The following ATG13 variants were observed in gnomAD, a reference collection of about 807,000 sequenced individuals.
ATG13 encodes the protein autophagy related 13, also known as autophagy-related protein 13.
Under a neutral mutation model 65.5 loss-of-function variants are expected in ATG13, and 23 were observed. The observed-to-expected ratio is 0.35, with a 90% CI of 0.25 to 0.50. ATG13 has a LOEUF of 0.50. Among genes scored for constraint, ATG13 ranks in the 20% least tolerant of loss-of-function variants. The pLI is 0.98. For missense variants in ATG13, 566 were observed against 677.0 expected (o/e 0.84, Z 1.82); for synonymous variants, 252 against 245.2 (o/e 1.03, Z -0.26).
At chr11:46,633,024 ATAT>A (rs1189486358) in intron 2 of ATG13, among the ~76,000 whole-genome samples, 1 of 99,866 alleles carries the variant, frequency 1.0e-5, no homozygotes, top group African/African-American at 6.3e-5. Flanking sequence ...ATATATATAT[ATAT>A]TTTTTTTTTT....
intron 18 of ATG13, among the ~76,000 whole-genome samples, chr11:46,671,928 T>C (rs142487242): frequency 3.9e-5 from 6 of 152,370 alleles, no homozygotes; most frequent in Non-Finnish European, 7.3e-5. Context: ...TGGTATTTTA[T>C]TCTAGTGTCA....
intron 2 of ATG13, among the ~76,000 whole-genome samples, chr11:46,633,590 G>T (rs995968067): frequency 6.6e-6 from 1 of 151,714 alleles, no homozygotes; most frequent in Admixed American, 6.6e-5. Context: ...TAGGTGATCC[G>T]CCTGCCTCTG....
chr11:46,653,588 G>C (rs918066371), intron 7 of ATG13, among the ~76,000 whole-genome samples: 14 of 113,588 alleles, frequency 1.2e-4, no homozygotes, highest in Non-Finnish European at 2.2e-4. Context: ...TTTGTTTTTT[G>C]AGACGGAGTC....
At chr11:46,660,740 A>C (rs2061012899) in intron 11 of ATG13, among the ~76,000 whole-genome samples, 4 of 140,210 alleles carry the variant, frequency 2.9e-5, no homozygotes, top group Non-Finnish European at 3.1e-5. Flanking sequence ...ACAGGGTCTC[A>C]CTCTGTTACT....
At chr11:46,662,651 T>C (rs939255011) in intron 11 of ATG13, among the ~76,000 whole-genome samples, 1 of 152,224 alleles carries the variant, frequency 6.6e-6, no homozygotes, top group Non-Finnish European at 1.5e-5. Context: ...GGTACAAAAA[T>C]ACTCAATTTT....
intron 1 of ATG13, among the ~76,000 whole-genome samples, chr11:46,626,376 G>A (rs1233080395): frequency 2.0e-5 from 3 of 151,926 alleles, no homozygotes; most frequent in African/African-American, 4.8e-5. Context: ...TCATCCTCCC[G>A]AGTTGCTGAG....
In ATG13 at chr11:46,665,449, G is replaced by A. The variant is rs745943231; in HGVS notation, c.1066G>A (p.Ala356Thr). The A allele has an allele frequency of 6.2e-7, 1 of 1,614,206 alleles. No individual in the cohort carries two copies. The highest frequency in any genetic ancestry group is 1.1e-5 in the South Asian group (1 of 91,090). Residue 356 changes from alanine to threonine, a missense_variant, in exon 14 of 19, where the codon GCT becomes ACT. Transcript: ENST00000683050. ...APNQPVHGTQADQERLATCTP... is the reference protein window; with the variant it reads ...APNQPVHGTQTDQERLATCTP... Reference sequence around the variant, plus strand: ...CAACCAGCCTGTCCATGGTACCCAGGCTGACCAGGAGAGACTGGCAACCTG... The same window carrying A: ...CAACCAGCCTGTCCATGGTACCCAGACTGACCAGGAGAGACTGGCAACCTG...
intron 2 of ATG13, among the ~76,000 whole-genome samples, chr11:46,636,272 G>A (rs1377462738): frequency 6.6e-6 from 1 of 151,808 alleles, no homozygotes; most frequent in Non-Finnish European, 1.5e-5. Context: ...CCCTATCCTG[G>A]GAGGGCCAGG....
In ATG13 at chr11:46,625,269, C is replaced by CTTTTTT. The variant is rs59095357; in HGVS notation, c.-69-4757_-69-4752dup. 595 of 84,106 alleles carry CTTTTTT rather than the reference C, an allele frequency of 7.1e-3. 1 individual carries two copies. Among genetic ancestry groups the CTTTTTT allele is most frequent in the Non-Finnish European group, 8.9e-3 (397 of 44,622 alleles). The allele number at this position is 84,106 out of a possible 1,614,324, so 5.2% of individuals were successfully genotyped here. A position where few individuals can be genotyped will look rare whatever the true frequency, so the allele number is the denominator to read the frequency against. On this transcript the variant is annotated intron_variant, in intron 1 of 18. Transcript: ENST00000683050. ...GTACTTTTGCTATAGCTTGCTCTTT[C>CTTTTTT]TTTTTTTTTTTTTTTTTTTTTTTTG...
intron 5 of ATG13, among the ~76,000 whole-genome samples, chr11:46,647,309 A>T (rs1457307681): frequency 7.6e-6 from 1 of 131,618 alleles, no homozygotes. Flanking sequence ...TTTTTTTGAG[A>T]CAGAGTCGCG....
intron 2 of ATG13, among the ~76,000 whole-genome samples, chr11:46,641,643 T>C (rs1232610667): frequency 6.6e-6 from 1 of 152,216 alleles, no homozygotes; most frequent in African/African-American, 2.4e-5. Flanking sequence ...TTCTAGAATA[T>C]TGGATATGTT....
intron 7 of ATG13, among the ~76,000 whole-genome samples, chr11:46,655,463 C>T (rs1486032027): frequency 6.6e-6 from 1 of 151,696 alleles, no homozygotes; most frequent in Non-Finnish European, 1.5e-5. Flanking sequence ...ATCCCAGCTA[C>T]TTGGGAGGCT....
At chr11:46,644,692 G>C (rs1216041787) in intron 3 of ATG13, among the ~76,000 whole-genome samples, 10 of 151,968 alleles carry the variant, frequency 6.6e-5, no homozygotes, top group Admixed American at 6.6e-4. Flanking sequence ...CAGCTGGAAT[G>C]GGCAGCATTT....
At chr11:46,648,498 G>A (rs2136377389) in intron 5 of ATG13, among the ~76,000 whole-genome samples, 1 of 152,086 alleles carries the variant, frequency 6.6e-6, no homozygotes, top group East Asian at 1.9e-4. Flanking sequence ...AACAACCTTG[G>A]CCGGGCGCAG....
At chr11:46,649,606 T>C (rs2058488206) in intron 6 of ATG13, among the ~76,000 whole-genome samples, 1 of 152,224 alleles carries the variant, frequency 6.6e-6, no homozygotes, top group Admixed American at 6.5e-5. Flanking sequence ...ATGCATGTTA[T>C]TTCCTTTCCC....
intron 1 of ATG13, among the ~76,000 whole-genome samples, chr11:46,619,981 A>G (rs539088391): frequency 1.3e-5 from 2 of 148,818 alleles, no homozygotes; most frequent in East Asian, 2.1e-4. Context: ...GTGAGCCTAG[A>G]TCACGCCATT....
chr11:46,669,383 G>T, intron 17 of ATG13, 21 bp from the exon 18 acceptor site: 1 of 1,613,394 alleles, frequency 6.2e-7, no homozygotes, highest in South Asian at 1.1e-5. Context: ...AAGCTAAACT[G>T]ACTCTGTCTT....
chr11:46,650,315 C>T lies in ATG13; in HGVS notation c.456C>T (p.Tyr152=), dbSNP rs1216058539. The T allele has an allele frequency of 1.2e-6, 2 of 1,613,016 alleles. No individual in the cohort carries two copies. Among genetic ancestry groups the T allele is most frequent in the Admixed American group, 1.7e-5 (1 of 59,952 alleles). ...AAGGGCATGAATATGTCATATTATACAGGTAAACAGCATAGATGGTCATCT... is the reference window on the plus strand; with the variant it reads ...AAGGGCATGAATATGTCATATTATATAGGTAAACAGCATAGATGGTCATCT... ...RKQGHEYVIL[Y]RIYFGEVQLS... is the part of the protein sequence containing the mutation. The change falls in exon 7 of 19, where the codon TAC becomes TAT. Residue 152 remains tyrosine (Y), a splice_region_variant and synonymous_variant. Coordinates refer to ENST00000683050, the MANE Select transcript of ATG13 (RefSeq NM_001346311.2).
chr11:46,647,403 G>A (rs898338397), intron 5 of ATG13, among the ~76,000 whole-genome samples: 3 of 148,388 alleles, frequency 2.0e-5, no homozygotes, highest in Non-Finnish European at 4.5e-5. Flanking sequence ...TCAGCCTCCC[G>A]AGTAGCTGGG....
Sources: gnomAD v4.1 joint callset for allele counts (sites outside exome capture counted in the v4.1 genomes callset) on GRCh38, gnomAD v4.1.1 for gene constraint, MANE v1.5 for transcripts, NCBI Gene and HGNC (gene_info 2026-07-23, HGNC 2026-07-21) for gene names.